PKD2L2: variants seen among roughly 807,000 people sequenced by gnomAD.
PKD2L2 encodes the protein polycystin-2-like protein 2.
Under a neutral mutation model 83.9 loss-of-function variants are expected in PKD2L2, and 67 were observed. The ratio of observed to expected loss-of-function variants is 0.80; its 90% CI spans 0.66 to 0.98. The LOEUF (loss-of-function observed/expected upper bound fraction) is 0.98, where lower values mean the gene tolerates loss of function less well. PKD2L2 is among the 50% of genes least tolerant of loss of function. PKD2L2 has a pLI of 0.00. For missense variants in PKD2L2, 632 were observed against 717.2 expected (o/e 0.88, Z 1.36); for synonymous variants, 223 against 237.8 (o/e 0.94, Z 0.57).
intron 8 of PKD2L2, among the ~76,000 whole-genome samples, chr5:137,916,475 C>T (rs376984268): frequency 1.5e-4 from 14 of 93,202 alleles, no homozygotes; most frequent in South Asian, 3.9e-4. Flanking sequence ...CACTTTTCTT[C>T]TTTTTTTTTT....
At chr5:137,916,472 C>CTTATTTTTTTTTTTTT (rs1758355606) in intron 8 of PKD2L2, among the ~76,000 whole-genome samples, 1 of 96,464 alleles carries the variant, frequency 1.0e-5, no homozygotes, top group Admixed American at 1.1e-4. Flanking sequence ...TGCCACTTTT[C>CTTATTTTTTTTTTTTT]TTCTTTTTTT....
chr5:137,926,907 T>G (rs1346268545), intron 12 of PKD2L2, among the ~76,000 whole-genome samples: 1 of 152,134 alleles, frequency 6.6e-6, no homozygotes, highest in Non-Finnish European at 1.5e-5. Context: ...TTGGTGTACT[T>G]TGGGGTCTTG....
chr5:137,901,829 AGT>A (rs933736083), intron 5 of PKD2L2, among the ~76,000 whole-genome samples: 11 of 152,208 alleles, frequency 7.2e-5, no homozygotes, highest in African/African-American at 2.7e-4. Flanking sequence ...ACACCATGAA[AGT>A]GTGGAAGGAT....
intron 4 of PKD2L2, among the ~76,000 whole-genome samples, chr5:137,896,151 T>C (rs1756449772): frequency 1.3e-5 from 2 of 148,486 alleles, no homozygotes; most frequent in African/African-American, 5.0e-5. Flanking sequence ...CACTCCAGCC[T>C]GGGCAATAAA....
chr5:137,899,778 GGCCTAC>G, intron 5 of PKD2L2, 41 bp downstream of exon 5: 1 of 1,178,552 alleles, frequency 8.5e-7, no homozygotes, highest in Non-Finnish European at 1.2e-6. Flanking sequence ...AGTGGTCAAT[GGCCTAC>G]AAAACTTCTT....
At chr5:137,911,510 AT>A (rs1279365593) in intron 8 of PKD2L2, among the ~76,000 whole-genome samples, 1 of 152,178 alleles carries the variant, frequency 6.6e-6, no homozygotes, top group Non-Finnish European at 1.5e-5. Context: ...GCTGGATCAT[AT>A]GATCTATTTC....
chr5:137,919,878 C>T (rs1758732810), intron 8 of PKD2L2, among the ~76,000 whole-genome samples: 1 of 152,168 alleles, frequency 6.6e-6, no homozygotes, highest in Non-Finnish European at 1.5e-5. Context: ...AGGCTTTCTC[C>T]CTTTTCACTG....
intron 5 of PKD2L2, among the ~76,000 whole-genome samples, chr5:137,904,805 C>T (rs1307034987): frequency 6.6e-5 from 10 of 152,124 alleles, no homozygotes; most frequent in East Asian, 5.8e-4. Context: ...ATTTTTCTCT[C>T]GTAAGTCTTA....
Position 137,906,433 on chromosome 5 carries a change from T to C in PKD2L2, c.974T>C (p.Leu325Pro), listed in dbSNP as rs1350218153. The C allele has an allele frequency of 2.6e-6, 4 of 1,523,502 alleles. No individual in the cohort carries two copies. Among genetic ancestry groups the C allele is most frequent in the African/African-American group, 1.4e-5 (1 of 72,982 alleles). 94.4% of individuals were successfully genotyped at this position (1,523,502 alleles called of 1,614,324 possible). Residue 325 changes from leucine (L) to proline (P), a missense_variant and splice_region_variant, in exon 6 of 15, where the codon CTG becomes CCG. Around this residue, in one of 3 missense-constraint regions of PKD2L2, gnomAD observed 399 missense variants for 416.9 expected, o/e 0.96. Coordinates refer to ENST00000508883, the MANE Select transcript of PKD2L2 (RefSeq NM_001300921.2). ...IWNWLELLLL[L>P]LCFVAVSFNT... Reference sequence around the variant, plus strand: ...AACTGGCTAGAATTGCTACTTTTGCTGGTGAGTATATATTCATGTGTATGG... The same window carrying C: ...AACTGGCTAGAATTGCTACTTTTGCCGGTGAGTATATATTCATGTGTATGG...
chr5:137,928,600 T>A (rs1351234697), intron 12 of PKD2L2, among the ~76,000 whole-genome samples: 1 of 152,096 alleles, frequency 6.6e-6, no homozygotes, highest in Non-Finnish European at 1.5e-5. Context: ...CCCAGCTAAA[T>A]TTTGTGTTTT....
chr5:137,912,191 A>G (rs1164658360), intron 8 of PKD2L2, among the ~76,000 whole-genome samples: 1 of 152,186 alleles, frequency 6.6e-6, no homozygotes, highest in African/African-American at 2.4e-5. Flanking sequence ...TTGCTGGATC[A>G]TATGTTAGTC....
intron 4 of PKD2L2, among the ~76,000 whole-genome samples, chr5:137,895,877 C>CA (rs375612119): frequency 0.021 from 1,855 of 89,906 alleles, 15 homozygotes; most frequent in Non-Finnish European, 0.022. Flanking sequence ...GACACAGTCT[C>CA]AAAAAAAAAA....
intron 12 of PKD2L2, among the ~76,000 whole-genome samples, chr5:137,926,174 T>C (rs946081461): frequency 6.6e-5 from 10 of 152,358 alleles, no homozygotes; most frequent in African/African-American, 1.9e-4. Flanking sequence ...ACACTCACTG[T>C]GTGAATATCA....
intron 1 of PKD2L2, 200 bp from the exon 2 acceptor site, chr5:137,890,281 C>CAAAAAAAAAAAAAAAA (rs890405684): frequency 2.5e-6 from 1 of 403,376 alleles, no homozygotes; most frequent in East Asian, 4.7e-5. Context: ...GACTCCGTCT[C>CAAAAAAAAAAAAAAAA]AAAAAAAAAA....
chr5:137,927,093 T>G (rs372450554), intron 12 of PKD2L2, among the ~76,000 whole-genome samples: 59 of 152,318 alleles, frequency 3.9e-4, no homozygotes, highest in African/African-American at 1.3e-3. Flanking sequence ...GAATAATGAT[T>G]CATAACCCAT....
rs894991572 is a variant in PKD2L2, at chr5:137,917,250, C to T, written c.1329-4386C>T. On this transcript the variant is annotated intron_variant, in intron 8 of 14. Coordinates refer to ENST00000508883, the MANE Select transcript of PKD2L2 (RefSeq NM_001300921.2). ...TGGGATCTTAGCTTACTGCAGACTCCGCCTGTTGGGTTCAAGCAATTCTCC... is the reference window on the plus strand; with the variant it reads ...TGGGATCTTAGCTTACTGCAGACTCTGCCTGTTGGGTTCAAGCAATTCTCC... 7.9e-5 allele frequency among the ~76,000 whole-genome samples: 12 copies of T among 151,256 alleles called. No homozygotes were observed. The South Asian group carries it at 8.4e-4, about 11-fold the overall frequency.
chr5:137,904,325 T>C (rs992429538), intron 5 of PKD2L2, among the ~76,000 whole-genome samples: 1 of 152,126 alleles, frequency 6.6e-6, no homozygotes, highest in African/African-American at 2.4e-5. Context: ...CACTAAGTGA[T>C]CTGGGGATGG....
chr5:137,920,580 A>C (rs1758800884), intron 8 of PKD2L2, among the ~76,000 whole-genome samples: 1 of 151,942 alleles, frequency 6.6e-6, no homozygotes, highest in Admixed American at 6.6e-5. Flanking sequence ...AAGATGGTGA[A>C]ACCCCATCTC....
intron 4 of PKD2L2, among the ~76,000 whole-genome samples, chr5:137,898,146 T>C (rs1162201875): frequency 1.3e-5 from 2 of 151,852 alleles, no homozygotes; most frequent in Non-Finnish European, 2.9e-5. Context: ...TTTGTATTTT[T>C]AGTAGAGATG....
Sources: gnomAD v4.1 joint callset for allele counts (sites outside exome capture counted in the v4.1 genomes callset) on GRCh38, gnomAD v4.1.1 for gene constraint, gnomAD v4.1.1 regional missense constraint, MANE v1.5 for transcripts, NCBI Gene and HGNC (gene_info 2026-07-23, HGNC 2026-07-21) for gene names.